The following RCC1 variants were observed in gnomAD, a reference collection of about 807,000 sequenced individuals.
RCC1 encodes the protein regulator of chromosome condensation.
In RCC1, 11 loss-of-function variants were observed where a neutral mutation model predicts 44.4. The ratio of observed to expected loss-of-function variants is 0.25; its 90% CI spans 0.16 to 0.41. The LOEUF is 0.41. Ranked by LOEUF, RCC1 falls within the 10% of genes least tolerant of loss-of-function variation. The pLI is 1.00. For missense variants in RCC1, 386 were observed against 547.1 expected (o/e 0.71, Z 2.94); for synonymous variants, 213 against 216.5 (o/e 0.98, Z 0.14).
At chr1:28,509,483 C>T (rs900786922) in intron 3 of RCC1, 13 of 153,630 alleles carry the variant, frequency 8.5e-5, no homozygotes, top group Admixed American at 5.1e-4. Flanking sequence ...TCGTGATCCG[C>T]CCACCTCAGC....
intron 3 of RCC1, among the ~76,000 whole-genome samples, chr1:28,516,174 C>T (rs1029681787): frequency 2.0e-5 from 3 of 151,386 alleles, no homozygotes; most frequent in African/African-American, 4.9e-5. Context: ...GTCAGGAGTT[C>T]GAGATCAGCC....
chr1:28,515,979 T>TC (rs1662875544), intron 3 of RCC1, among the ~76,000 whole-genome samples: 1 of 148,842 alleles, frequency 6.7e-6, no homozygotes, highest in Non-Finnish European at 1.5e-5. Context: ...GTTTAGGAGT[T>TC]CAAGTCCAGG....
At position 28,535,032 on chromosome 1, in the gene RCC1, C is replaced by T; in HGVS notation, c.442-18C>T. The T allele has an allele frequency of 1.2e-6, 2 of 1,605,314 alleles. No homozygotes were observed. Among genetic ancestry groups the T allele is most frequent in the Admixed American group, 1.7e-5 (1 of 59,988 alleles). ...GCAGGCAGGACTGGCTGATAAGTGC[C>T]CTGTCCCTCCCTTCTAGGACAATAA... On this transcript the variant is annotated intron_variant, in intron 7 of 12. Coordinates refer to ENST00000683442, the MANE Select transcript of RCC1 (RefSeq NM_001381865.2).
intron 7 of RCC1, among the ~76,000 whole-genome samples, chr1:28,533,139 A>G (rs1054351619): frequency 6.6e-6 from 1 of 151,888 alleles, no homozygotes; most frequent in Non-Finnish European, 1.5e-5. Context: ...TATCACATCT[A>G]TTTTGAAATT....
intron 3 of RCC1, chr1:28,510,015 A>C (rs1261887573): frequency 6.6e-6 from 1 of 152,092 alleles, no homozygotes; most frequent in Non-Finnish European, 1.5e-5. Flanking sequence ...CGTGAGTCAC[A>C]ATGGAAACTT....
intron 3 of RCC1, among the ~76,000 whole-genome samples, chr1:28,514,653 C>T (rs184401735): frequency 9.7e-4 from 145 of 149,932 alleles, no homozygotes; most frequent in African/African-American, 3.4e-3. Flanking sequence ...CCCAGCAACT[C>T]GGGATGCTGA....
chr1:28,510,397 G>C (rs1462936830), intron 3 of RCC1: 2 of 152,222 alleles, frequency 1.3e-5, no homozygotes, highest in African/African-American at 4.8e-5. Flanking sequence ...CAGCACTTAG[G>C]CTAAGGCAGG....
intron 2 of RCC1, 53 bp from the exon 3 acceptor site, chr1:28,508,777 T>A (rs1355356015): frequency 1.9e-6 from 1 of 518,706 alleles, no homozygotes; most frequent in Non-Finnish European, 3.8e-6. Flanking sequence ...TATACTAGAT[T>A]TTAAGTTGAA....
chr1:28,531,259 C>CTTTTTTTTTTTTTTTTT (rs769808394), intron 5 of RCC1, among the ~76,000 whole-genome samples: 2 of 132,452 alleles, frequency 1.5e-5, no homozygotes, highest in African/African-American at 3.1e-5. Flanking sequence ...GCTTTCTTTT[C>CTTTTTTTTTTTTTTTTT]TTTTTCTTTT....
At chr1:28,530,703 T>G (rs924276549) in intron 5 of RCC1, 15 of 1,078,512 alleles carry the variant, frequency 1.4e-5, no homozygotes, top group East Asian at 5.5e-5. Context: ...TGGGCGCCAT[T>G]GGCTGCCCGG....
chr1:28,532,661 C>G (rs1664252594), intron 7 of RCC1: 1 of 505,096 alleles, frequency 2.0e-6, no homozygotes, highest in African/African-American at 1.9e-5. Flanking sequence ...CTGTCTCCCC[C>G]TCACCTTGCC....
chr1:28,511,867 T>C (rs1662566782), intron 3 of RCC1, among the ~76,000 whole-genome samples: 1 of 151,986 alleles, frequency 6.6e-6, no homozygotes, highest in African/African-American at 2.4e-5. Flanking sequence ...TTTCACCATG[T>C]TAGCCAGGCT....
At chr1:28,518,111 T>A (rs1318730578) in intron 4 of RCC1, 1 of 149,590 alleles carries the variant, frequency 6.7e-6, no homozygotes, top group Non-Finnish European at 1.5e-5. Context: ...GGCCAAGGGC[T>A]CCCCCAGCCC....
At chr1:28,533,984 TCTC>T (rs958393916) in intron 7 of RCC1, among the ~76,000 whole-genome samples, 18 of 145,740 alleles carry the variant, frequency 1.2e-4, no homozygotes, top group African/African-American at 3.5e-4. Context: ...CTCAAGCAAT[TCTC>T]CTTCCTCAGC....
At chr1:28,535,729 A>T (rs566832866) in intron 9 of RCC1, 142 bp from the exon 10 acceptor site, 1 of 938,900 alleles carries the variant, frequency 1.1e-6, no homozygotes, top group Admixed American at 1.9e-5. Context: ...TCTTGATCTC[A>T]GTTTCCTTTT....
chr1:28,525,506 A>G (rs1663588948), intron 4 of RCC1, among the ~76,000 whole-genome samples: 1 of 152,214 alleles, frequency 6.6e-6, no homozygotes, highest in African/African-American at 2.4e-5. Flanking sequence ...GGTTAAGGCA[A>G]CTGGCCAGCC....
Position 28,507,339 on chromosome 1 carries a change from T to C in RCC1, c.-261-789T>C, listed in dbSNP as rs372727196. 222 of 517,208 alleles carry C rather than the reference T, an allele frequency of 4.3e-4. 1 individual carries two copies. Among genetic ancestry groups the C allele is most frequent in the African/African-American group, 4.0e-3 (208 of 52,012 alleles). The allele number at this position is 517,208 out of a possible 1,614,324, so 32.0% of individuals were successfully genotyped here. A position where few individuals can be genotyped will look rare whatever the true frequency, so the allele number is the denominator to read the frequency against. Reference sequence around the variant, plus strand: ...GATGAAATTGTTTCCTATTGGATTCTGTAAATTTATGCGTTACACTGATTG... The same window carrying C: ...GATGAAATTGTTTCCTATTGGATTCCGTAAATTTATGCGTTACACTGATTG... On this transcript the variant is annotated intron_variant, in intron 1 of 12. Coordinates refer to ENST00000683442, the MANE Select transcript of RCC1 (RefSeq NM_001381865.2).
chr1:28,507,160 C>G, intron 1 of RCC1: 1 of 297,888 alleles, frequency 3.4e-6, no homozygotes, highest in Admixed American at 4.3e-5. Flanking sequence ...TTCTGCGGTA[C>G]CTTCCACATA....
At chr1:28,507,199 G>C (rs1662025292) in intron 1 of RCC1, 1 of 374,298 alleles carries the variant, frequency 2.7e-6, no homozygotes, top group African/African-American at 2.1e-5. Flanking sequence ...AAAGTAATTA[G>C]AATAGCTGAA....
Sources: gnomAD v4.1 joint callset for allele counts (sites outside exome capture counted in the v4.1 genomes callset) on GRCh38, gnomAD v4.1.1 for gene constraint, MANE v1.5 for transcripts, NCBI Gene and HGNC (gene_info 2026-07-23, HGNC 2026-07-21) for gene names.